OPCML: variants seen among roughly 807,000 people sequenced by gnomAD.
OPCML encodes opioid-binding protein/cell adhesion molecule.
Under a neutral mutation model 37.8 loss-of-function variants are expected in OPCML, and 13 were observed. That is an observed-to-expected ratio of 0.34 (90% CI 0.22 to 0.55). OPCML has a LOEUF of 0.55. Among genes scored for constraint, OPCML ranks in the 20% least tolerant of loss-of-function variants. OPCML has a pLI of 0.91. For missense variants in OPCML, 341 were observed against 435.6 expected (o/e 0.78, Z 1.93); for synonymous variants, 176 against 168.8 (o/e 1.04, Z -0.33).
At chr11:133,168,504 G>A (rs1221729683) in intron 1 of OPCML, among the ~76,000 whole-genome samples, 1 of 152,156 alleles carries the variant, frequency 6.6e-6, no homozygotes, top group Non-Finnish European at 1.5e-5. Context: ...TTGGTGTCAT[G>A]TAAAAAAAGA....
At chr11:133,154,222 A>T (rs116538312) in intron 1 of OPCML, among the ~76,000 whole-genome samples, 20,341 of 150,066 alleles carry the variant, frequency 0.14, 1,512 homozygotes, top group African/African-American at 0.18. Context: ...TTCTGATTAA[A>T]AAAAAAAAAA....
At position 132,511,961 on chromosome 11, in the gene OPCML, C is replaced by T. The variant is rs1026293237; in HGVS notation, c.505+17100G>A. On this transcript the variant is annotated intron_variant, in intron 4 of 7. Transcript: ENST00000524381. ...AAGCATAGGCTAAGAGAAATTATTC[C>T]GAATACATATAGCTGACATAAGACA... Among the ~76,000 whole-genome samples the T allele has an allele frequency of 7.9e-5, 12 of 151,890 alleles. 1 individual carries two copies. The South Asian group carries it at 8.3e-4, about 11-fold the overall frequency.
chr11:132,566,511 C>A (rs976627731), intron 3 of OPCML, among the ~76,000 whole-genome samples: 1 of 152,160 alleles, frequency 6.6e-6, no homozygotes, highest in African/African-American at 2.4e-5. Flanking sequence ...TAAAATGTTC[C>A]AAATTATTAT....
chr11:132,969,904 G>T (rs1946302686), intron 1 of OPCML, among the ~76,000 whole-genome samples: 1 of 152,012 alleles, frequency 6.6e-6, no homozygotes, highest in South Asian at 2.1e-4. Flanking sequence ...TGTTAAATCT[G>T]ACATCTGTGG....
intron 2 of OPCML, among the ~76,000 whole-genome samples, chr11:132,755,961 C>T (rs1020732663): frequency 5.3e-5 from 8 of 152,108 alleles, no homozygotes; most frequent in Non-Finnish European, 1.2e-4. Context: ...GAAGTCTGTC[C>T]AGCTGCTAGG....
chr11:133,530,366 G>A (rs1387429674), intron 1 of OPCML, among the ~76,000 whole-genome samples: 3 of 152,250 alleles, frequency 2.0e-5, no homozygotes, highest in African/African-American at 7.2e-5. Context: ...GTAATGTTAT[G>A]ATTTCTGCCA....
At chr11:132,821,077 AG>A (rs1939959774) in intron 2 of OPCML, among the ~76,000 whole-genome samples, 1 of 152,228 alleles carries the variant, frequency 6.6e-6, no homozygotes, top group Non-Finnish European at 1.5e-5. Context: ...TAGAGGAGTG[AG>A]GTCAAGAGGC....
intron 1 of OPCML, among the ~76,000 whole-genome samples, chr11:132,958,137 G>A (rs1946009271): frequency 6.6e-6 from 1 of 152,208 alleles, no homozygotes; most frequent in Non-Finnish European, 1.5e-5. Flanking sequence ...AATTAAAAGT[G>A]CCACTCCAGT....
At chr11:132,477,396 G>A (rs2096160497) in intron 4 of OPCML, among the ~76,000 whole-genome samples, 1 of 152,172 alleles carries the variant, frequency 6.6e-6, no homozygotes, top group Non-Finnish European at 1.5e-5. Context: ...ACAGGTAGTA[G>A]CACACTGGGG....
chr11:133,223,502 G>A (rs1448435086), intron 1 of OPCML, among the ~76,000 whole-genome samples: 1 of 152,178 alleles, frequency 6.6e-6, no homozygotes. Context: ...AAAACTGGAG[G>A]GGAGGAGGAG....
At chr11:133,079,106 G>A (rs1194063645) in intron 1 of OPCML, among the ~76,000 whole-genome samples, 3 of 151,898 alleles carry the variant, frequency 2.0e-5, no homozygotes, top group Admixed American at 6.6e-5. Flanking sequence ...ATACACGCCC[G>A]CCTGAATTGA....
chr11:132,804,484 G>T (rs988890741), intron 2 of OPCML, among the ~76,000 whole-genome samples: 17 of 152,136 alleles, frequency 1.1e-4, no homozygotes, highest in Non-Finnish European at 1.8e-4. Context: ...GGTGGCAGCT[G>T]CTATGTAATT....
intron 1 of OPCML, among the ~76,000 whole-genome samples, chr11:133,097,055 T>C (rs1222742794): frequency 2.0e-5 from 3 of 152,156 alleles, no homozygotes; most frequent in Admixed American, 2.0e-4. Context: ...TTAGATATAA[T>C]TGAAATCTAT....
At chr11:132,779,871 G>A (rs970966280) in intron 2 of OPCML, among the ~76,000 whole-genome samples, 3 of 152,164 alleles carry the variant, frequency 2.0e-5, no homozygotes, top group South Asian at 4.1e-4. Context: ...GACCGAAACT[G>A]TTCTACAATT....
At chr11:133,311,513 T>C (rs1349219821) in intron 1 of OPCML, among the ~76,000 whole-genome samples, 4 of 152,116 alleles carry the variant, frequency 2.6e-5, no homozygotes, top group Admixed American at 2.6e-4. Context: ...TCAGGTACAA[T>C]GGGATGGGGT....
At chr11:132,518,057 T>A (rs919308843) in intron 4 of OPCML, among the ~76,000 whole-genome samples, 1 of 152,184 alleles carries the variant, frequency 6.6e-6, no homozygotes, top group African/African-American at 2.4e-5. Flanking sequence ...AGACAAAACT[T>A]TTTTAAAAAA....
chr11:133,224,970 G>A (rs1396048263), intron 1 of OPCML, among the ~76,000 whole-genome samples: 2 of 152,174 alleles, frequency 1.3e-5, no homozygotes, highest in Non-Finnish European at 2.9e-5. Context: ...TCACAGCACT[G>A]AAGAGTGGAA....
chr11:132,493,722 G>A (rs60372777), intron 4 of OPCML, among the ~76,000 whole-genome samples: 47 of 152,246 alleles, frequency 3.1e-4, no homozygotes, highest in African/African-American at 1.1e-3. Context: ...GAGCCTTTCC[G>A]TTTTTATTAC....
chr11:132,651,194 C>A (rs1197919972), intron 3 of OPCML, among the ~76,000 whole-genome samples: 1 of 152,176 alleles, frequency 6.6e-6, no homozygotes, highest in Non-Finnish European at 1.5e-5. Context: ...GTATTTAACT[C>A]TGAGTCAGTG....
Sources: gnomAD v4.1 joint callset for allele counts (sites outside exome capture counted in the v4.1 genomes callset) on GRCh38, gnomAD v4.1.1 for gene constraint, MANE v1.5 for transcripts, NCBI Gene and HGNC (gene_info 2026-07-23, HGNC 2026-07-21) for gene names.